SCG5: variants seen among roughly 807,000 people sequenced by gnomAD.
SCG5 encodes neuroendocrine protein 7B2.
In SCG5, 18 loss-of-function variants were observed where a neutral mutation model predicts 25.7. The observed-to-expected ratio is 0.70, with a 90% CI of 0.48 to 1.04. The LOEUF (loss-of-function observed/expected upper bound fraction) is 1.04, where lower values mean the gene tolerates loss of function less well. SCG5 is among the 50% of genes least tolerant of loss of function. The probability of loss-of-function intolerance (pLI) is 0.00; values close to 1 mark genes in which losing one functional copy is unlikely to be tolerated. For synonymous variants in SCG5, 101 were observed against 91.7 expected, an observed-to-expected ratio of 1.10 and a Z score of -0.58; for missense variants, 206 against 259.8, an observed-to-expected ratio of 0.79 and a Z score of 1.42.
intron 2 of SCG5, among the ~76,000 whole-genome samples, chr15:32,654,621 C>T (rs985757854): frequency 4.6e-5 from 7 of 152,138 alleles, no homozygotes; most frequent in African/African-American, 1.4e-4. Context: ...CACTCCTGGG[C>T]TCATTGTTGA....
chr15:32,684,402 C>A, intron 3 of SCG5, 155 bp from the exon 4 acceptor site: 1 of 612,046 alleles, frequency 1.6e-6, no homozygotes, highest in South Asian at 2.0e-5. Context: ...TCCTATCTAA[C>A]TGGATCCTAG....
rs139692683 is a variant in SCG5 at position 32,680,155 on chromosome 15, C to T, written c.376+240C>T. ...GCTTTACTTTCTTTCTGTGTCTCCC[C>T]TTCTTTGGGAATTGATGCACTTTTC... On this transcript the variant is annotated intron_variant, in intron 3 of 5. Transcript: ENST00000300175. Among the ~76,000 whole-genome samples, 368 of 150,760 alleles carry T rather than the reference C, an allele frequency of 2.4e-3. 3 individuals carry two copies. Among genetic ancestry groups the T allele is most frequent in the South Asian group, 0.013 (64 of 4,760 alleles).
At chr15:32,676,600 G>C (rs142469992) in intron 2 of SCG5, among the ~76,000 whole-genome samples, 31 of 152,190 alleles carry the variant, frequency 2.0e-4, no homozygotes, top group African/African-American at 7.2e-4. Flanking sequence ...GCATCTATTG[G>C]GTTAATGTGG....
intron 2 of SCG5, chr15:32,677,608 G>C (rs1011296387): frequency 6.7e-6 from 1 of 150,256 alleles, no homozygotes; most frequent in Non-Finnish European, 1.5e-5. Flanking sequence ...TGTTGTTTTT[G>C]CCTGGTTTTG....
At chr15:32,674,496 T>G (rs945876627) in intron 2 of SCG5, among the ~76,000 whole-genome samples, 1 of 152,198 alleles carries the variant, frequency 6.6e-6, no homozygotes, top group African/African-American at 2.4e-5. Flanking sequence ...TTTTCATATT[T>G]CTGTTTACTA....
intron 4 of SCG5, among the ~76,000 whole-genome samples, chr15:32,688,272 A>G (rs1164378570): frequency 5.3e-5 from 8 of 152,326 alleles, no homozygotes; most frequent in African/African-American, 1.9e-4. Context: ...TGTACATGCC[A>G]GCTACCCACT....
At position 32,651,171 on chromosome 15, in the gene SCG5, G is replaced by A. The variant is rs570190729; in HGVS notation, c.226+7353G>A. On this transcript the variant is annotated intron_variant, in intron 2 of 5. Coordinates refer to ENST00000300175, the MANE Select transcript of SCG5 (RefSeq NM_001144757.3). ...CCAAGATCGCCCATTGCACTCCAGC[G>A]TGGGCAACAAGAGCGAAACTCTGTC... 1.7e-3 allele frequency among the ~76,000 whole-genome samples: 258 copies of A among 152,132 alleles called. 2 individuals are homozygous for A. The highest frequency in any genetic ancestry group is 3.0e-3 in the Non-Finnish European group (201 of 68,028).
intron 3 of SCG5, among the ~76,000 whole-genome samples, chr15:32,680,838 G>A (rs983430262): frequency 3.9e-5 from 6 of 152,154 alleles, no homozygotes; most frequent in Non-Finnish European, 8.8e-5. Context: ...AATGGTGAGT[G>A]GGCTTCACTT....
chr15:32,676,843 C>T (rs977138051), intron 2 of SCG5, among the ~76,000 whole-genome samples: 3 of 152,120 alleles, frequency 2.0e-5, no homozygotes, highest in African/African-American at 7.2e-5. Context: ...CATTTATACC[C>T]TTGGATATGC....
chr15:32,667,170 T>C (rs962637101), intron 2 of SCG5, among the ~76,000 whole-genome samples: 2 of 152,228 alleles, frequency 1.3e-5, no homozygotes, highest in Non-Finnish European at 2.9e-5. Context: ...AATTTAAAAT[T>C]ACAAATGTAG....
At chr15:32,694,325 C>G (rs2054916762) in intron 5 of SCG5, among the ~76,000 whole-genome samples, 1 of 152,184 alleles carries the variant, frequency 6.6e-6, no homozygotes, top group African/African-American at 2.4e-5. Flanking sequence ...AAGTTGCAAC[C>G]AAGCCCCATA....
intron 2 of SCG5, among the ~76,000 whole-genome samples, chr15:32,653,741 C>T (rs890766448): frequency 6.6e-6 from 1 of 152,158 alleles, no homozygotes; most frequent in Non-Finnish European, 1.5e-5. Flanking sequence ...ATGAAGTCCA[C>T]CCGTATTATA....
In SCG5 at chr15:32,679,393, G is replaced by A. The variant is rs1392406595; in HGVS notation, c.227-373G>A. Among the ~76,000 whole-genome samples, 4 of 151,878 alleles carry A rather than the reference G, an allele frequency of 2.6e-5. No individual in the cohort carries two copies. In the East Asian group the frequency reaches 5.8e-4, roughly 22 times the overall value. On this transcript the variant is annotated intron_variant, in intron 2 of 5. Transcript: ENST00000300175. ...TATTTTTGTTTTTTAGTAGAGCCGG[G>A]GTTTCATTATGTTGGCCAGGCTGGT...
intron 2 of SCG5, among the ~76,000 whole-genome samples, chr15:32,666,795 T>C (rs375367232): frequency 1.3e-5 from 2 of 152,230 alleles, no homozygotes; most frequent in Non-Finnish European, 2.9e-5. Context: ...AGTATTCTTG[T>C]TTTACAGATG....
At chr15:32,684,144 TGAG>T (rs1315700957) in intron 3 of SCG5, among the ~76,000 whole-genome samples, 1 of 152,114 alleles carries the variant, frequency 6.6e-6, no homozygotes, top group Non-Finnish European at 1.5e-5. Context: ...GGGTGGGGAA[TGAG>T]GAGAAGTGGA....
rs536096587 is a variant in SCG5, at chr15:32,676,024, A to G, written c.227-3742A>G. On this transcript the variant is annotated intron_variant, in intron 2 of 5. Transcript: ENST00000300175. Reference sequence around the variant, plus strand: ...GCTTCAGGTACAATAGATCAATATAACCTAAATATTATAATGAACCAGATA... The same window carrying G: ...GCTTCAGGTACAATAGATCAATATAGCCTAAATATTATAATGAACCAGATA... Among the ~76,000 whole-genome samples the G allele has an allele frequency of 1.2e-4, 19 of 152,336 alleles. No individual in the cohort carries two copies. The South Asian group carries it at 3.5e-3, about 28-fold the overall frequency.
intron 3 of SCG5, among the ~76,000 whole-genome samples, chr15:32,680,885 A>C (rs374396686): frequency 6.6e-6 from 1 of 152,288 alleles, no homozygotes; most frequent in Admixed American, 6.5e-5. Context: ...GGTGGTTAAG[A>C]GTAGTGGCTC....
At chr15:32,651,765 A>G (rs2054034092) in intron 2 of SCG5, among the ~76,000 whole-genome samples, 1 of 152,228 alleles carries the variant, frequency 6.6e-6, no homozygotes, top group South Asian at 2.1e-4. Flanking sequence ...GAGAAATTCA[A>G]AAGAAACGGG....
chr15:32,694,543 C>T (rs2054920542), intron 5 of SCG5, among the ~76,000 whole-genome samples: 1 of 152,178 alleles, frequency 6.6e-6, no homozygotes, highest in Non-Finnish European at 1.5e-5. Flanking sequence ...CTCTCATATC[C>T]TCCTTTAACA....
Sources: allele counts gnomAD v4.1 joint callset (sites outside exome capture counted in the v4.1 genomes callset), GRCh38; gene constraint gnomAD v4.1.1; transcripts MANE v1.5; gene names NCBI Gene and HGNC (gene_info 2026-07-23, HGNC 2026-07-21).